Variants in ZNF804B observed in about 807,000 individuals in gnomAD.
The protein encoded by ZNF804B is zinc finger 804B.
In ZNF804B, 80 loss-of-function variants were observed where a neutral mutation model predicts 101.4. That is an observed-to-expected ratio of 0.79 (90% CI 0.66 to 0.95). ZNF804B has a LOEUF of 0.95. ZNF804B is among the 40% of genes least tolerant of loss of function. ZNF804B has a pLI of 0.00. For synonymous variants in ZNF804B, 622 were observed against 558.8 expected, an observed-to-expected ratio of 1.11 and a Z score of -1.59; for missense variants, 1,673 against 1,561.9, an observed-to-expected ratio of 1.07 and a Z score of -1.20.
rs535858294 is a variant in ZNF804B, at chr7:89,006,707, C to T, written c.109-211448C>T. Among the ~76,000 whole-genome samples, 25 of 152,196 alleles carry T rather than the reference C, an allele frequency of 1.6e-4. No homozygotes were observed. In the South Asian group the frequency reaches 4.8e-3, roughly 29 times the overall value. On this transcript the variant is annotated intron_variant, in intron 1 of 3. Transcript: ENST00000333190. ...TAAGACATAGTTCTAATAAATAGTT[C>T]TCTCACCAGCAAACACTGTTAACAG...
chr7:89,005,686 A>G (rs760693798), intron 1 of ZNF804B, among the ~76,000 whole-genome samples: 2 of 152,140 alleles, frequency 1.3e-5, no homozygotes, highest in African/African-American at 4.8e-5. Flanking sequence ...CTGATAATCA[A>G]TAGTTATAGC....
intron 1 of ZNF804B, among the ~76,000 whole-genome samples, chr7:88,811,851 T>C (rs1243750452): frequency 6.6e-6 from 1 of 151,820 alleles, no homozygotes; most frequent in African/African-American, 2.4e-5. Flanking sequence ...CAGAAGAAAA[T>C]AGCTAATGTA....
intron 2 of ZNF804B, among the ~76,000 whole-genome samples, chr7:89,326,325 CA>C (rs1178568470): frequency 6.6e-6 from 1 of 151,982 alleles, no homozygotes; most frequent in Non-Finnish European, 1.5e-5. Context: ...CACTGTCTAC[CA>C]TGAGCATGTT....
At chr7:89,095,956 C>G (rs781754843) in intron 1 of ZNF804B, among the ~76,000 whole-genome samples, 3 of 151,914 alleles carry the variant, frequency 2.0e-5, no homozygotes, top group Non-Finnish European at 4.4e-5. Context: ...TCGAGACCAT[C>G]TTGGCTAACA....
intron 1 of ZNF804B, among the ~76,000 whole-genome samples, chr7:89,217,346 C>T (rs905230306): frequency 8.5e-5 from 13 of 152,070 alleles, no homozygotes; most frequent in Admixed American, 4.6e-4. Flanking sequence ...ATTCCTTCTC[C>T]GCTTGTTAAC....
intron 2 of ZNF804B, among the ~76,000 whole-genome samples, chr7:89,294,242 T>C (rs1562939267): frequency 6.6e-6 from 1 of 152,192 alleles, no homozygotes; most frequent in Non-Finnish European, 1.5e-5. Flanking sequence ...AACCATAAAC[T>C]CTTTAAACTT....
chr7:89,137,307 T>G (rs1180623921), intron 1 of ZNF804B, among the ~76,000 whole-genome samples: 1 of 151,854 alleles, frequency 6.6e-6, no homozygotes, highest in Non-Finnish European at 1.5e-5. Context: ...AATATATTTT[T>G]GTTATAAAAA....
Position 88,830,780 on chromosome 7 carries a change from A to T in ZNF804B, c.108+70696A>T, listed in dbSNP as rs182751180. Among the ~76,000 whole-genome samples, 474 of 151,992 alleles carry T rather than the reference A, an allele frequency of 3.1e-3. 4 individuals carry two copies. Among genetic ancestry groups the T allele is most frequent in the African/African-American group, 0.011 (444 of 41,538 alleles). On this transcript the variant is annotated intron_variant, in intron 1 of 3. Coordinates refer to ENST00000333190, the MANE Select transcript of ZNF804B (RefSeq NM_181646.5). ...TGTGTGTGTATTTCTTTGAAATTTT[A>T]TCTTCAATGTAGCTTTAATTTGCAT...
intron 1 of ZNF804B, among the ~76,000 whole-genome samples, chr7:88,853,497 G>C (rs1035784846): frequency 6.6e-6 from 1 of 152,064 alleles, no homozygotes; most frequent in Non-Finnish European, 1.5e-5. Flanking sequence ...CAAAGAAGTG[G>C]TCATTGAAAG....
intron 1 of ZNF804B, among the ~76,000 whole-genome samples, chr7:89,017,252 T>A (rs141667952): frequency 0.023 from 3,451 of 152,260 alleles, 136 homozygotes; most frequent in African/African-American, 0.079. Context: ...ACAATGGGGT[T>A]TTCTAGATAT....
intron 1 of ZNF804B, among the ~76,000 whole-genome samples, chr7:89,137,519 A>G (rs1790655392): frequency 2.6e-5 from 4 of 152,066 alleles, no homozygotes; most frequent in Admixed American, 2.6e-4. Context: ...CCTGCCCTAG[A>G]GATCTGTGGA....
chr7:88,762,249 T>C (rs1789908884), intron 1 of ZNF804B, among the ~76,000 whole-genome samples: 1 of 152,242 alleles, frequency 6.6e-6, no homozygotes, highest in Non-Finnish European at 1.5e-5. Context: ...CTTTTACATT[T>C]TATTATGGAA....
intron 1 of ZNF804B, among the ~76,000 whole-genome samples, chr7:89,143,921 G>C (rs185290104): frequency 6.6e-6 from 1 of 152,016 alleles, no homozygotes; most frequent in Admixed American, 6.6e-5. Context: ...GGTGGCAATA[G>C]CCTTAAATTA....
At chr7:89,167,307 G>T (rs2373799) in intron 1 of ZNF804B, among the ~76,000 whole-genome samples, 30,967 of 151,546 alleles carry the variant, frequency 0.2, 3,371 homozygotes, top group Middle Eastern at 0.39. Flanking sequence ...GCCGGGCGTG[G>T]TGGCAGGTGT....
At chr7:88,919,239 C>T (rs1438505141) in intron 1 of ZNF804B, among the ~76,000 whole-genome samples, 2 of 152,056 alleles carry the variant, frequency 1.3e-5, no homozygotes, top group South Asian at 2.1e-4. Flanking sequence ...GCCATACTTA[C>T]TCACAAAGAA....
chr7:89,284,021 A>G (rs2115878081), intron 2 of ZNF804B, among the ~76,000 whole-genome samples: 1 of 152,332 alleles, frequency 6.6e-6, no homozygotes, highest in South Asian at 2.1e-4. Context: ...AATATACACA[A>G]ATCTGTTATA....
intron 1 of ZNF804B, among the ~76,000 whole-genome samples, chr7:88,963,794 C>G (rs1183372151): frequency 6.6e-6 from 1 of 151,072 alleles, no homozygotes; most frequent in Non-Finnish European, 1.5e-5. Flanking sequence ...AAGAGAGTAA[C>G]AATATATCAA....
At chr7:88,997,270 T>C (rs2116164959) in intron 1 of ZNF804B, among the ~76,000 whole-genome samples, 1 of 152,238 alleles carries the variant, frequency 6.6e-6, no homozygotes, top group Admixed American at 6.6e-5. Context: ...CCTCATTTTG[T>C]AGTTATCATT....
At chr7:88,761,411 C>G (rs1789894086) in intron 1 of ZNF804B, among the ~76,000 whole-genome samples, 1 of 152,160 alleles carries the variant, frequency 6.6e-6, no homozygotes, top group Non-Finnish European at 1.5e-5. Context: ...TTGCAGAGTT[C>G]TAGTTTAATA....
Sources: allele counts gnomAD v4.1 joint callset (sites outside exome capture counted in the v4.1 genomes callset), GRCh38; gene constraint gnomAD v4.1.1; transcripts MANE v1.5; gene names NCBI Gene and HGNC (gene_info 2026-07-23, HGNC 2026-07-21).